The following RPGRIP1L variants were observed in gnomAD, a reference collection of about 807,000 sequenced individuals.
The protein encoded by RPGRIP1L is protein fantom.
Under a neutral mutation model 160.4 loss-of-function variants are expected in RPGRIP1L, and 131 were observed. The ratio of observed to expected loss-of-function variants is 0.82; its 90% CI spans 0.71 to 0.94. The LOEUF (loss-of-function observed/expected upper bound fraction) is 0.94, where lower values mean the gene tolerates loss of function less well. Among genes scored for constraint, RPGRIP1L ranks in the 40% least tolerant of loss-of-function variants. The pLI is 0.00. For missense variants in RPGRIP1L, 1,522 were observed against 1,535.8 expected, an observed-to-expected ratio of 0.99 and a Z score of 0.15; for synonymous variants, 510 against 515.8, an observed-to-expected ratio of 0.99 and a Z score of 0.15.
chr16:53,666,590 G>A (rs868473681), intron 9 of RPGRIP1L, among the ~76,000 whole-genome samples: 25 of 130,438 alleles, frequency 1.9e-4, no homozygotes, highest in African/African-American at 3.0e-4. Flanking sequence ...GTGTGTGTGT[G>A]TGTATATATA....
intron 4 of RPGRIP1L, among the ~76,000 whole-genome samples, chr16:53,690,649 A>G (rs1371148572): frequency 6.6e-6 from 1 of 152,200 alleles, no homozygotes; most frequent in East Asian, 1.9e-4. Flanking sequence ...TTAGTATAAA[A>G]GATCTTGCAG....
intron 6 of RPGRIP1L, among the ~76,000 whole-genome samples, chr16:53,677,964 C>G (rs780763743): frequency 1.3e-5 from 2 of 152,120 alleles, no homozygotes; most frequent in Non-Finnish European, 2.9e-5. Context: ...TGAACTCTGA[C>G]AGTCATGGAC....
At chr16:53,697,005 C>T (rs1409580982) in intron 2 of RPGRIP1L, among the ~76,000 whole-genome samples, 1 of 151,980 alleles carries the variant, frequency 6.6e-6, no homozygotes, top group Non-Finnish European at 1.5e-5. Flanking sequence ...ACCAGCCTGG[C>T]CAACATGGTG....
At chr16:53,679,828 G>A (rs1969475234) in intron 6 of RPGRIP1L, among the ~76,000 whole-genome samples, 1 of 152,154 alleles carries the variant, frequency 6.6e-6, no homozygotes, top group Non-Finnish European at 1.5e-5. Context: ...GAGAAAAACA[G>A]CTGTTGTTTA....
At chr16:53,633,970 C>G (rs1487965912) in intron 22 of RPGRIP1L, among the ~76,000 whole-genome samples, 1 of 152,126 alleles carries the variant, frequency 6.6e-6, no homozygotes, top group Non-Finnish European at 1.5e-5. Flanking sequence ...TCCATTTGTG[C>G]TGCTACAACA....
chr16:53,617,550 T>C (rs1263891008), intron 24 of RPGRIP1L, among the ~76,000 whole-genome samples: 1 of 152,232 alleles, frequency 6.6e-6, no homozygotes, highest in Non-Finnish European at 1.5e-5. Flanking sequence ...CTGTCCACAC[T>C]ACTTATTTCA....
chr16:53,695,640 C>T (rs756792857), intron 3 of RPGRIP1L: 39 of 567,214 alleles, frequency 6.9e-5, no homozygotes, highest in Non-Finnish European at 1.1e-4. Context: ...AGTGACAATA[C>T]TGTTTCTTCA....
chr16:53,680,657 T>C (rs1969535444), intron 6 of RPGRIP1L, among the ~76,000 whole-genome samples: 1 of 152,144 alleles, frequency 6.6e-6, no homozygotes, highest in Non-Finnish European at 1.5e-5. Context: ...GTATCATTCA[T>C]TGTTAAGTGT....
intron 22 of RPGRIP1L, among the ~76,000 whole-genome samples, chr16:53,624,412 G>A (rs1172397738): frequency 6.6e-6 from 1 of 151,912 alleles, no homozygotes; most frequent in Non-Finnish European, 1.5e-5. Flanking sequence ...AATTAGCCGG[G>A]CGTGGTGGCA....
intron 16 of RPGRIP1L, among the ~76,000 whole-genome samples, chr16:53,648,035 C>T (rs1396417682): frequency 5.9e-5 from 8 of 135,116 alleles, no homozygotes; most frequent in East Asian, 2.5e-4. Flanking sequence ...ACCCGGGAGG[C>T]GGAGCTTGCA....
At chr16:53,611,841 C>A (rs1169770459) in intron 24 of RPGRIP1L, among the ~76,000 whole-genome samples, 2 of 152,212 alleles carry the variant, frequency 1.3e-5, no homozygotes, top group East Asian at 3.9e-4. Flanking sequence ...CATGCATCAG[C>A]TTCTGAAGAC....
chr16:53,644,813 C>T (rs975396314), intron 17 of RPGRIP1L, among the ~76,000 whole-genome samples: 1 of 152,142 alleles, frequency 6.6e-6, no homozygotes, highest in Non-Finnish European at 1.5e-5. Flanking sequence ...ACCAGTAGAC[C>T]TAACTTACAA....
intron 22 of RPGRIP1L, among the ~76,000 whole-genome samples, chr16:53,632,512 A>C (rs1965584064): frequency 2.6e-5 from 4 of 152,170 alleles, no homozygotes; most frequent in Non-Finnish European, 5.9e-5. Context: ...ATCTATTCCC[A>C]GTCCCTAGAA....
intron 6 of RPGRIP1L, among the ~76,000 whole-genome samples, 163 bp from the exon 7 acceptor site, chr16:53,675,285 GATTA>G (rs1969069721): frequency 2.0e-5 from 3 of 152,084 alleles, no homozygotes; most frequent in Admixed American, 6.5e-5. Flanking sequence ...ATGCAGGACA[GATTA>G]ATTATTTAAA....
intron 14 of RPGRIP1L, among the ~76,000 whole-genome samples, chr16:53,654,431 T>C (rs1356584054): frequency 6.6e-6 from 1 of 152,230 alleles, no homozygotes; most frequent in African/African-American, 2.4e-5. Context: ...TGGAATGCCT[T>C]ATATTACTTT....
chr16:53,600,761 A>G lies in RPGRIP1L; in HGVS notation c.*1315T>C, dbSNP rs1245040356. 1 of 152,600 alleles carries G rather than the reference A, an allele frequency of 6.6e-6. No homozygotes were observed. The allele number at this position is 152,600 out of a possible 1,614,324, so 9.5% of individuals were successfully genotyped here. ...ATTAGCAGGCTTTGAATGTTCACAA[A>G]TAGGAGCAAAGAACTCATTTTCCAG... On this transcript the variant is annotated 3_prime_UTR_variant, in exon 27 of 27. Transcript: ENST00000647211.
Position 53,601,746 on chromosome 16 carries a change from ATGGGAATTGCAT to A in RPGRIP1L, c.*318_*329del. The A allele has an allele frequency of 4.0e-6, 1 of 249,272 alleles. No homozygotes were observed. 15.4% of individuals were successfully genotyped at this position (249,272 alleles called of 1,614,324 possible). On this transcript the variant is annotated 3_prime_UTR_variant, in exon 27 of 27. Transcript: ENST00000647211. ...ATGCTTTTGCTTATTAAAAATAAAA[ATGGGAATTGCAT>A]TTCGGTTCTTCCTAAGAAAATGTTG... is the stretch of plus-strand genomic sequence containing the variant.
intron 22 of RPGRIP1L, among the ~76,000 whole-genome samples, chr16:53,631,636 C>T (rs531221859): frequency 1.3e-5 from 2 of 152,042 alleles, no homozygotes; most frequent in African/African-American, 2.4e-5. Flanking sequence ...ATGTATTATA[C>T]ATCAAATTTA....
intron 16 of RPGRIP1L, among the ~76,000 whole-genome samples, chr16:53,647,088 C>T (rs1318270276): frequency 6.6e-6 from 1 of 152,140 alleles, no homozygotes; most frequent in Non-Finnish European, 1.5e-5. Context: ...CTTTAAACTA[C>T]AAAACCAAAC....
Sources: gnomAD v4.1 joint callset for allele counts (sites outside exome capture counted in the v4.1 genomes callset) on GRCh38, gnomAD v4.1.1 for gene constraint, MANE v1.5 for transcripts, NCBI Gene and HGNC (gene_info 2026-07-23, HGNC 2026-07-21) for gene names.